The following SLC2A9 variants were observed in gnomAD, a reference collection of about 807,000 sequenced individuals.
SLC2A9 encodes solute carrier family 2, facilitated glucose transporter member 9.
A neutral mutation model predicts 50.6 loss-of-function variants in SLC2A9; 39 were observed. The observed-to-expected ratio is 0.77, with a 90% confidence interval of 0.60 to 1.01. SLC2A9 has a LOEUF of 1.01. Among genes scored for constraint, SLC2A9 ranks in the 50% least tolerant of loss-of-function variants. The pLI is 0.00. For missense variants in SLC2A9, 686 were observed against 677.6 expected (o/e 1.01, Z -0.14); for synonymous variants, 324 against 276.9 (o/e 1.17, Z -1.69).
At chr4:9,850,012 C>G (rs545792221) in intron 10 of SLC2A9, among the ~76,000 whole-genome samples, 1 of 151,796 alleles carries the variant, frequency 6.6e-6, no homozygotes, top group East Asian at 1.9e-4. Flanking sequence ...ACCGGGACAT[C>G]AGGAAGACTG....
chr4:9,988,519 T>C (rs1757132963), intron 3 of SLC2A9, among the ~76,000 whole-genome samples: 1 of 152,198 alleles, frequency 6.6e-6, no homozygotes, highest in African/African-American at 2.4e-5. Flanking sequence ...GATGGAAATG[T>C]GTGCAAATCC....
chr4:9,883,976 A>G (rs1735698612), intron 10 of SLC2A9, among the ~76,000 whole-genome samples: 1 of 152,180 alleles, frequency 6.6e-6, no homozygotes, highest in Admixed American at 6.5e-5. Flanking sequence ...AGCTTTCTGC[A>G]CAGTCTTTCT....
chr4:9,847,873 A>C (rs1476302055), intron 10 of SLC2A9, among the ~76,000 whole-genome samples: 1 of 152,234 alleles, frequency 6.6e-6, no homozygotes, highest in Non-Finnish European at 1.5e-5. Context: ...TGGGCAAGGA[A>C]GATCAAATTA....
At chr4:9,787,765 G>A (rs114447917) in intron 3 of SLC2A9, among the ~76,000 whole-genome samples, 2 of 152,084 alleles carry the variant, frequency 1.3e-5, no homozygotes, top group Admixed American at 1.3e-4. Context: ...GGGTTTTTTG[G>A]TGCTTTTCCA....
chr4:9,893,691 G>T (rs1320297318), intron 8 of SLC2A9, among the ~76,000 whole-genome samples: 1 of 152,130 alleles, frequency 6.6e-6, no homozygotes, highest in African/African-American at 2.4e-5. Flanking sequence ...TGATGGGGCT[G>T]CTGTGCCAGG....
intron 3 of SLC2A9, among the ~76,000 whole-genome samples, chr4:9,806,517 G>C (rs1352273812): frequency 6.6e-6 from 1 of 152,204 alleles, no homozygotes; most frequent in Non-Finnish European, 1.5e-5. Context: ...TGAAACCCCT[G>C]ATTTCCCACT....
At chr4:9,913,177 T>G (rs534090861) in intron 7 of SLC2A9, among the ~76,000 whole-genome samples, 1 of 152,314 alleles carries the variant, frequency 6.6e-6, no homozygotes, top group South Asian at 2.1e-4. Context: ...TAAGCCACCA[T>G]GTGGGTGGGG....
chr4:9,934,381 G>A (rs2110202459), intron 6 of SLC2A9, among the ~76,000 whole-genome samples: 1 of 152,294 alleles, frequency 6.6e-6, no homozygotes, highest in Middle Eastern at 3.4e-3. Context: ...GACCACAGAT[G>A]GCTTTTCATT....
At chr4:9,802,521 C>T (rs1577327843) in intron 3 of SLC2A9, among the ~76,000 whole-genome samples, 2 of 150,540 alleles carry the variant, frequency 1.3e-5, no homozygotes, top group Non-Finnish European at 1.5e-5. Flanking sequence ...TAATCTCTTC[C>T]AAAAGGTGAG....
intron 10 of SLC2A9, among the ~76,000 whole-genome samples, chr4:9,837,297 A>G (rs1164312433): frequency 6.6e-6 from 1 of 152,258 alleles, no homozygotes; most frequent in Non-Finnish European, 1.5e-5. Context: ...TGTGAGAATA[A>G]TGGTTACACA....
At position 9,890,613 on chromosome 4, in the gene SLC2A9, C is replaced by T; in HGVS notation, c.1212G>A (p.Leu404=). The change falls in exon 9 of 12, where the codon CTG becomes CTA. Residue 404 remains leucine, a synonymous_variant. Coordinates refer to ENST00000264784, the MANE Select transcript of SLC2A9 (RefSeq NM_020041.3). ...FFGTLTITLT[L]QDHAPWVPYL... ...TGTGACAAGAACATCGTCTCACCTG[C>T]AGGGTCAGCGTGATGGTGAGGGTCC... 6.2e-7 allele frequency: 1 copy of T among 1,614,062 alleles called. No homozygotes were observed. The highest frequency in any genetic ancestry group is 8.5e-7 in the Non-Finnish European group (1 of 1,179,904).
downstream of SLC2A9, among the ~76,000 whole-genome samples, chr4:9,778,882 C>A (rs557816175): frequency 1.3e-5 from 2 of 151,256 alleles, no homozygotes; most frequent in Non-Finnish European, 3.0e-5. Flanking sequence ...TGCAGTGGTG[C>A]GATCTTGGCT....
Position 9,950,888 on chromosome 4 carries a change from G to A in SLC2A9, c.682-8843C>T, listed in dbSNP as rs1274276246. Among the ~76,000 whole-genome samples, 6 of 13,380 alleles carry A rather than the reference G, an allele frequency of 4.5e-4. 3 individuals are homozygous for A. Among genetic ancestry groups the A allele is most frequent in the Non-Finnish European group, 5.8e-4 (6 of 10,284 alleles). The allele number at this position is 13,380 out of a possible 152,430, so 8.8% of individuals were successfully genotyped here. A position where few individuals can be genotyped will look rare whatever the true frequency, so the allele number is the denominator to read the frequency against. On this transcript the variant is annotated intron_variant, in intron 5 of 11. Coordinates refer to ENST00000264784, the MANE Select transcript of SLC2A9 (RefSeq NM_020041.3). Reference sequence around the variant, plus strand: ...AGCCTGGGCGACAGAGCGAGACTCCGTCTCAAAAAAAAAAAAAAAAAAAAA... The same window carrying A: ...AGCCTGGGCGACAGAGCGAGACTCCATCTCAAAAAAAAAAAAAAAAAAAAA...
At chr4:9,967,169 T>C (rs1038261772) in intron 5 of SLC2A9, among the ~76,000 whole-genome samples, 6 of 152,230 alleles carry the variant, frequency 3.9e-5, no homozygotes, top group African/African-American at 1.2e-4. Flanking sequence ...GATTGTTTTT[T>C]AAAATTCATT....
intron 3 of SLC2A9, among the ~76,000 whole-genome samples, chr4:9,813,673 C>T (rs1723171392): frequency 1.3e-5 from 2 of 152,170 alleles, no homozygotes; most frequent in Admixed American, 1.3e-4. Flanking sequence ...CACAACAATC[C>T]TAAAGCAGTG....
intron 5 of SLC2A9, among the ~76,000 whole-genome samples, chr4:9,957,115 T>C (rs1183685158): frequency 6.6e-6 from 1 of 152,018 alleles, no homozygotes. Flanking sequence ...TATTCACTTC[T>C]TGATGGGAAC....
At chr4:9,849,429 A>G (rs2109300509) in intron 10 of SLC2A9, among the ~76,000 whole-genome samples, 1 of 152,346 alleles carries the variant, frequency 6.6e-6, no homozygotes, top group Non-Finnish European at 1.5e-5. Context: ...AGGATCAGTC[A>G]TGAGACTTAG....
At chr4:9,944,677 A>C (rs1457298397) in intron 5 of SLC2A9, among the ~76,000 whole-genome samples, 1 of 152,214 alleles carries the variant, frequency 6.6e-6, no homozygotes, top group Non-Finnish European at 1.5e-5. Context: ...GGGAGTGTCC[A>C]GAGTGGAGCT....
At chr4:9,791,395 G>C (rs1475703298) in intron 3 of SLC2A9, among the ~76,000 whole-genome samples, 1 of 152,208 alleles carries the variant, frequency 6.6e-6, no homozygotes, top group African/African-American at 2.4e-5. Context: ...CTCTCAGATA[G>C]AGAGGAACTG....
Sources: allele counts gnomAD v4.1 joint callset (sites outside exome capture counted in the v4.1 genomes callset), GRCh38; gene constraint gnomAD v4.1.1; transcripts MANE v1.5; gene names NCBI Gene and HGNC (gene_info 2026-07-23, HGNC 2026-07-21).